APBB1IP: variants seen among roughly 807,000 people sequenced by gnomAD.
The protein encoded by APBB1IP is amyloid beta A4 precursor protein-binding family B member 1-interacting protein.
Under a neutral mutation model 64.9 loss-of-function variants are expected in APBB1IP, and 27 were observed. The observed-to-expected ratio is 0.42, with a 90% confidence interval of 0.31 to 0.57. APBB1IP has a LOEUF of 0.57. Ranked by LOEUF, APBB1IP falls within the 20% of genes least tolerant of loss-of-function variation. The probability of loss-of-function intolerance (pLI) is 0.20; values close to 1 mark genes in which losing one functional copy is unlikely to be tolerated. For missense variants in APBB1IP, 812 were observed against 845.5 expected (o/e 0.96, Z 0.49); for synonymous variants, 392 against 331.0 (o/e 1.18, Z -2.00).
chr10:26,448,529 T>C (rs982419990), intron 2 of APBB1IP, among the ~76,000 whole-genome samples: 3 of 152,242 alleles, frequency 2.0e-5, no homozygotes, highest in Non-Finnish European at 4.4e-5. Context: ...TCCTATACTA[T>C]GTGTTGACTA....
intron 11 of APBB1IP, among the ~76,000 whole-genome samples, chr10:26,545,794 A>G (rs1245186471): frequency 8.5e-6 from 1 of 117,362 alleles, no homozygotes; most frequent in East Asian, 2.9e-4. Flanking sequence ...AAAAAAAACC[A>G]CAAAAATTAG....
chr10:26,533,901 G>T (rs1183753253), intron 9 of APBB1IP, among the ~76,000 whole-genome samples: 1 of 151,950 alleles, frequency 6.6e-6, no homozygotes, highest in Non-Finnish European at 1.5e-5. Context: ...GGAAGTGTGA[G>T]ATTTGGAGTC....
At chr10:26,446,914 C>T (rs1835406091) in intron 2 of APBB1IP, among the ~76,000 whole-genome samples, 1 of 149,362 alleles carries the variant, frequency 6.7e-6, no homozygotes, top group South Asian at 2.1e-4. Context: ...GGTCCCTACC[C>T]TCAAGAAGCT....
At chr10:26,502,886 C>T (rs1836124252) in intron 5 of APBB1IP, among the ~76,000 whole-genome samples, 1 of 152,140 alleles carries the variant, frequency 6.6e-6, no homozygotes, top group African/African-American at 2.4e-5. Flanking sequence ...GTCATCATTT[C>T]ATCTTTTAAG....
At chr10:26,469,091 CTTCT>C (rs949773473) in intron 2 of APBB1IP, among the ~76,000 whole-genome samples, 25 of 128,782 alleles carry the variant, frequency 1.9e-4, no homozygotes, top group Non-Finnish European at 2.0e-4. Flanking sequence ...TCCTTTTCTT[CTTCT>C]TTTTTTTTTT....
chr10:26,530,500 GC>G (rs1836537900), intron 8 of APBB1IP, among the ~76,000 whole-genome samples: 1 of 151,944 alleles, frequency 6.6e-6, no homozygotes, highest in Admixed American at 6.6e-5. Context: ...GACCATCCTG[GC>G]CAACATGGTG....
At chr10:26,529,369 TTG>T (rs1836519498) in intron 8 of APBB1IP, among the ~76,000 whole-genome samples, 1 of 152,252 alleles carries the variant, frequency 6.6e-6, no homozygotes, top group South Asian at 2.1e-4. Context: ...CAGATTTGCT[TTG>T]TGTTTTTTGC....
At chr10:26,537,732 T>C (rs994386557) in intron 10 of APBB1IP, among the ~76,000 whole-genome samples, 5 of 151,860 alleles carry the variant, frequency 3.3e-5, no homozygotes, top group Non-Finnish European at 7.4e-5. Context: ...CCAGGAGTTC[T>C]AGACCAGCCT....
At chr10:26,558,942 A>C (rs1234626308) in intron 11 of APBB1IP, among the ~76,000 whole-genome samples, 2 of 152,218 alleles carry the variant, frequency 1.3e-5, no homozygotes, top group Non-Finnish European at 2.9e-5. Flanking sequence ...CACTAAGTGT[A>C]ATAGACAGAA....
chr10:26,490,828 C>G (rs1298765299), intron 2 of APBB1IP, among the ~76,000 whole-genome samples: 1 of 151,954 alleles, frequency 6.6e-6, no homozygotes, highest in Non-Finnish European at 1.5e-5. Flanking sequence ...TTTTTAATTT[C>G]CATATAAAAA....
rs1018877000 is a variant in APBB1IP, at chr10:26,557,108, G to T, written c.1156-2997G>T. ...TTTGCTATCGGGCCATATTACCTGA[G>T]TTGATAGATATTTCCAATTTTAAGG... is the stretch of plus-strand genomic sequence containing the variant. On this transcript the variant is annotated intron_variant, in intron 11 of 14. Transcript: ENST00000376236. Among the ~76,000 whole-genome samples the T allele has an allele frequency of 7.9e-5, 12 of 152,288 alleles. No homozygotes were observed. In the East Asian group the frequency reaches 2.3e-3, roughly 29 times the overall value.
intron 2 of APBB1IP, among the ~76,000 whole-genome samples, chr10:26,478,202 C>T (rs1428430281): frequency 2.0e-5 from 3 of 152,124 alleles, no homozygotes; most frequent in Admixed American, 6.6e-5. Flanking sequence ...GTGAGAGAAC[C>T]GCTGTTTGGG....
intron 2 of APBB1IP, among the ~76,000 whole-genome samples, chr10:26,454,464 C>A (rs533728099): frequency 6.6e-6 from 1 of 151,168 alleles, no homozygotes. Context: ...CCAGCCTGGA[C>A]GACAGAGTGA....
At chr10:26,493,042 A>G (rs1276611607) in intron 3 of APBB1IP, among the ~76,000 whole-genome samples, 2 of 152,192 alleles carry the variant, frequency 1.3e-5, no homozygotes, top group East Asian at 1.9e-4. Context: ...CCGGGAATGC[A>G]TTCTTTTCCC....
At chr10:26,516,882 G>C (rs1836338016) in intron 8 of APBB1IP, among the ~76,000 whole-genome samples, 1 of 152,158 alleles carries the variant, frequency 6.6e-6, no homozygotes, top group African/African-American at 2.4e-5. Flanking sequence ...ATCACCAGAA[G>C]ATATATGGGG....
At chr10:26,474,191 T>C (rs1000335484) in intron 2 of APBB1IP, among the ~76,000 whole-genome samples, 2 of 151,830 alleles carry the variant, frequency 1.3e-5, no homozygotes, top group African/African-American at 4.8e-5. Context: ...TTTCAGAGAG[T>C]GTATGAAGTG....
chr10:26,486,648 T>C (rs1379074981), intron 2 of APBB1IP, among the ~76,000 whole-genome samples: 4 of 152,166 alleles, frequency 2.6e-5, no homozygotes, highest in Admixed American at 6.6e-5. Context: ...ATGGCTGGAA[T>C]TGCTGATCTT....
chr10:26,468,939 A>G lies in APBB1IP; in HGVS notation c.1-23388A>G, dbSNP rs368834794. Among the ~76,000 whole-genome samples, 616 of 151,910 alleles carry G rather than the reference A, an allele frequency of 4.1e-3. 8 individuals carry two copies. Among genetic ancestry groups the G allele is most frequent in the African/African-American group, 0.014 (595 of 41,416 alleles). ...CTGCTCCTGGGGTTACCTGGATTTG[A>G]CCCCTCCTGAGGTGGCGGTGTCTGC... On this transcript the variant is annotated intron_variant, in intron 2 of 14. Transcript: ENST00000376236.
intron 6 of APBB1IP, among the ~76,000 whole-genome samples, chr10:26,505,778 T>C (rs966441821): frequency 6.6e-6 from 1 of 152,124 alleles, no homozygotes; most frequent in African/African-American, 2.4e-5. Flanking sequence ...ATTCTTTCCT[T>C]AACAATGGAT....
Sources: gnomAD v4.1 joint callset for allele counts (sites outside exome capture counted in the v4.1 genomes callset) on GRCh38, gnomAD v4.1.1 for gene constraint, MANE v1.5 for transcripts, NCBI Gene and HGNC (gene_info 2026-07-23, HGNC 2026-07-21) for gene names.